GLIS3: variants seen among roughly 807,000 people sequenced by gnomAD.
GLIS3 encodes GLIS family zinc finger 3.
A neutral mutation model predicts 78.6 loss-of-function variants in GLIS3; 53 were observed. That is an observed-to-expected ratio of 0.67 (90% CI 0.54 to 0.85). The LOEUF (loss-of-function observed/expected upper bound fraction) is 0.85, where lower values mean the gene tolerates loss of function less well. Ranked by LOEUF, GLIS3 falls within the 40% of genes least tolerant of loss-of-function variation. The pLI is 0.00. For synonymous variants in GLIS3, 684 were observed against 509.9 expected, an observed-to-expected ratio of 1.34 and a Z score of -4.60; for missense variants, 1,703 against 1,231.1, an observed-to-expected ratio of 1.38 and a Z score of -5.74.
chr9:3,897,399 C>T lies in GLIS3; in HGVS notation c.2128+1292G>A, dbSNP rs74844168. 3.6e-3 allele frequency among the ~76,000 whole-genome samples: 552 copies of T among 152,124 alleles called. 5 individuals carry two copies. The highest frequency in any genetic ancestry group is 0.012 in the African/African-American group (516 of 41,500). On this transcript the variant is annotated intron_variant, in intron 7 of 10. Coordinates refer to ENST00000381971, the MANE Select transcript of GLIS3 (RefSeq NM_001042413.2). ...TTCATATATCAAATACTGAACAAAT[C>T]AGACACACAAAAACAAAAGCTAGTC...
intron 3 of GLIS3, among the ~76,000 whole-genome samples, chr9:4,122,525 T>C (rs1227360691): frequency 6.6e-6 from 1 of 152,164 alleles, no homozygotes; most frequent in Non-Finnish European, 1.5e-5. Context: ...AAAATCTAAA[T>C]ACAGTGCCTT....
At chr9:4,047,025 A>C (rs1825307299) in intron 4 of GLIS3, among the ~76,000 whole-genome samples, 1 of 152,102 alleles carries the variant, frequency 6.6e-6, no homozygotes, top group African/African-American at 2.4e-5. Flanking sequence ...AGTTGGTGAT[A>C]TTGTTTGGCT....
In GLIS3 at chr9:3,876,400, T is replaced by C. The variant is rs1821310588; in HGVS notation, c.2297+3027A>G. On this transcript the variant is annotated intron_variant, in intron 8 of 10. Coordinates refer to ENST00000381971, the MANE Select transcript of GLIS3 (RefSeq NM_001042413.2). ...GAAAACAAACAAAAATCTCCAGCTA[T>C]AGAAAACATTATTCACAAAATTTGG... 3.3e-5 allele frequency among the ~76,000 whole-genome samples: 5 copies of C among 151,954 alleles called. No individual in the cohort carries two copies. In the South Asian group the frequency reaches 1.0e-3, roughly 32 times the overall value.
At chr9:4,165,445 G>A (rs1378129098) in intron 2 of GLIS3, among the ~76,000 whole-genome samples, 2 of 152,134 alleles carry the variant, frequency 1.3e-5, no homozygotes, top group Non-Finnish European at 2.9e-5. Flanking sequence ...CCGTCTCAAA[G>A]ACAAAACAAA....
intron 4 of GLIS3, among the ~76,000 whole-genome samples, chr9:4,088,197 T>C (rs1371318732): frequency 1.3e-5 from 2 of 152,374 alleles, no homozygotes; most frequent in East Asian, 1.9e-4. Context: ...TAGTATCATG[T>C]ACCTCAATCC....
chr9:4,107,628 C>T (rs1459505654), intron 4 of GLIS3, among the ~76,000 whole-genome samples: 2 of 152,076 alleles, frequency 1.3e-5, no homozygotes, highest in Non-Finnish European at 2.9e-5. Flanking sequence ...TCATTTGCCT[C>T]TTTAAATATC....
At chr9:4,370,169 G>A in the GLIS3 span, among the ~76,000 whole-genome samples, 1 of 110,842 alleles carries the variant, frequency 9.0e-6, no homozygotes, top group Non-Finnish European at 1.7e-5. Context: ...AGGCGACAGA[G>A]CAAGACTCCA....
At chr9:4,124,954 A>C (rs993480096) in intron 3 of GLIS3, among the ~76,000 whole-genome samples, 1 of 152,208 alleles carries the variant, frequency 6.6e-6, no homozygotes, top group Non-Finnish European at 1.5e-5. Context: ...CACAGACCTT[A>C]AACACTGTAC....
intron 4 of GLIS3, among the ~76,000 whole-genome samples, chr9:4,101,608 T>C (rs1001355286): frequency 6.6e-6 from 1 of 152,210 alleles, no homozygotes; most frequent in African/African-American, 2.4e-5. Context: ...GTAATACATG[T>C]AACCACCAAT....
chr9:4,328,890 C>A (rs890002943), intron 2 of GLIS3, among the ~76,000 whole-genome samples: 8 of 152,180 alleles, frequency 5.3e-5, no homozygotes, highest in African/African-American at 1.9e-4. Flanking sequence ...AGGAGTGTGA[C>A]TCAGCTCCCA....
At chr9:4,452,047 C>T in the GLIS3 span, among the ~76,000 whole-genome samples, 546 of 151,804 alleles carry the variant, frequency 3.6e-3, 1 homozygote, top group African/African-American at 0.011. Context: ...TAATCCATCA[C>T]ATAAACAGAA....
Position 3,915,411 on chromosome 9 carries a change from C to T in GLIS3, c.1984-16576G>A, listed in dbSNP as rs1036115737. On this transcript the variant is annotated intron_variant, in intron 6 of 10. Transcript: ENST00000381971. ...CAGATTCCATCTCACAAGCACTGTCCAGGATTGCATTAGTCTTGGTGGTTC... is the reference window on the plus strand; with the variant it reads ...CAGATTCCATCTCACAAGCACTGTCTAGGATTGCATTAGTCTTGGTGGTTC... Among the ~76,000 whole-genome samples, 5 of 151,932 alleles carry T rather than the reference C, an allele frequency of 3.3e-5. No individual in the cohort carries two copies. The East Asian group carries it at 9.6e-4, about 29-fold the overall frequency.
At chr9:4,258,317 A>G (rs1350260616) in intron 2 of GLIS3, among the ~76,000 whole-genome samples, 2 of 148,044 alleles carry the variant, frequency 1.4e-5, no homozygotes, top group East Asian at 1.9e-4. Flanking sequence ...GTTTTAGTTT[A>G]CAGTAACATA....
intron 6 of GLIS3, among the ~76,000 whole-genome samples, chr9:3,931,921 G>C (rs1052819298): frequency 1.3e-5 from 2 of 152,120 alleles, no homozygotes; most frequent in African/African-American, 2.4e-5. Context: ...TTCTTCATTA[G>C]AGCTTCACGA....
intron 2 of GLIS3, among the ~76,000 whole-genome samples, chr9:4,209,270 C>G (rs1177040050): frequency 2.0e-5 from 3 of 152,174 alleles, no homozygotes; most frequent in Admixed American, 2.0e-4. Context: ...TACACTGGTG[C>G]TCCTTCCTGA....
intron 2 of GLIS3, among the ~76,000 whole-genome samples, chr9:4,316,217 T>C (rs573729865): frequency 6.6e-6 from 1 of 152,292 alleles, no homozygotes; most frequent in Non-Finnish European, 1.5e-5. Context: ...ACAAGCTAAA[T>C]TGTAAAGAAT....
intron 4 of GLIS3, among the ~76,000 whole-genome samples, chr9:3,969,384 T>C (rs995605555): frequency 6.6e-6 from 1 of 152,182 alleles, no homozygotes; most frequent in East Asian, 1.9e-4. Context: ...ACAGGAAATA[T>C]CTCCAAAGAA....
intron 9 of GLIS3, among the ~76,000 whole-genome samples, chr9:3,834,565 A>G (rs1156392480): frequency 6.6e-6 from 1 of 152,196 alleles, no homozygotes; most frequent in African/African-American, 2.4e-5. Context: ...TCCCAGGTCT[A>G]GCCAACTTTG....
chr9:3,982,905 T>G (rs1252735018), intron 4 of GLIS3, among the ~76,000 whole-genome samples: 1 of 152,162 alleles, frequency 6.6e-6, no homozygotes, highest in Non-Finnish European at 1.5e-5. Flanking sequence ...TAAGCACAAA[T>G]GAAGCCATAA....
Sources: gnomAD v4.1 joint callset for allele counts (sites outside exome capture counted in the v4.1 genomes callset) on GRCh38, gnomAD v4.1.1 for gene constraint, MANE v1.5 for transcripts, NCBI Gene and HGNC (gene_info 2026-07-23, HGNC 2026-07-21) for gene names.